The following FRMD4B variants were observed in gnomAD, a reference collection of about 807,000 sequenced individuals.
The protein encoded by FRMD4B is FERM domain containing 4B.
Under a neutral mutation model 141.5 loss-of-function variants are expected in FRMD4B, and 74 were observed. The ratio of observed to expected loss-of-function variants is 0.52; its 90% CI spans 0.43 to 0.63. FRMD4B has a LOEUF of 0.63. FRMD4B is among the 30% of genes least tolerant of loss of function. FRMD4B has a pLI of 0.00. For missense variants in FRMD4B, 1,366 were observed against 1,253.4 expected, an observed-to-expected ratio of 1.09 and a Z score of -1.36; for synonymous variants, 506 against 467.9, an observed-to-expected ratio of 1.08 and a Z score of -1.05.
At chr3:69,368,610 C>T in intron 1 of FRMD4B, among the ~76,000 whole-genome samples, 1 of 152,212 alleles carries the variant, frequency 6.6e-6, no homozygotes, top group East Asian at 1.9e-4. Context: ...ACACTTGATA[C>T]TCAGTCCTCC....
chr3:69,507,887 T>A (rs1336797619), intron 1 of FRMD4B, among the ~76,000 whole-genome samples: 1 of 152,166 alleles, frequency 6.6e-6, no homozygotes, highest in African/African-American at 2.4e-5. Context: ...TTAAGGTTTT[T>A]AAAAAATCCT....
chr3:69,535,899 C>T (rs776452157), intron 1 of FRMD4B: 27 of 421,274 alleles, frequency 6.4e-5, no homozygotes, highest in Non-Finnish European at 1.1e-4. Context: ...CTTGACCTTG[C>T]TGACAGTGGG....
At chr3:69,377,431 C>G (rs1704001016) in intron 1 of FRMD4B, among the ~76,000 whole-genome samples, 1 of 152,202 alleles carries the variant, frequency 6.6e-6, no homozygotes, top group Non-Finnish European at 1.5e-5. Flanking sequence ...CAATCTCACT[C>G]TTCACTTTCT....
intron 7 of FRMD4B, among the ~76,000 whole-genome samples, chr3:69,244,799 C>T (rs960513410): frequency 1.3e-5 from 2 of 152,066 alleles, no homozygotes; most frequent in East Asian, 1.9e-4. Flanking sequence ...GAGGCTGAGG[C>T]AGGAGAACTG....
Position 69,171,907 on chromosome 3 carries a change from T to G in FRMD4B, c.3059A>C (p.Gln1020Pro). The change falls in exon 23 of 23, where the codon CAG (glutamine) becomes CCG (proline). Residue 1020 changes from glutamine to proline, a missense_variant. Transcript: ENST00000398540. ...TGAATCTTCATGCCAAAAGAGTCTC[T>G]GCTCACTACTCTCCAGGTTGTCTTC... The part of the protein sequence containing the change: ...QLEDNLESSE[Q>P]RLFWHEDSKP... The G allele has an allele frequency of 6.2e-7, 1 of 1,613,370 alleles. No homozygotes were observed. The highest frequency in any genetic ancestry group is 8.5e-7 in the Non-Finnish European group (1 of 1,179,290).
chr3:69,192,774 T>C (rs767077272), intron 17 of FRMD4B, among the ~76,000 whole-genome samples: 1 of 152,182 alleles, frequency 6.6e-6, no homozygotes, highest in African/African-American at 2.4e-5. Flanking sequence ...CTGCATTTCA[T>C]GTTATATCAT....
chr3:69,237,498 G>T (rs1409170453), intron 7 of FRMD4B, among the ~76,000 whole-genome samples: 1 of 152,214 alleles, frequency 6.6e-6, no homozygotes, highest in East Asian at 1.9e-4. Flanking sequence ...GAAGTTGTTG[G>T]CCCATCCTTC....
At chr3:69,266,907 A>G (rs1050376884) in intron 5 of FRMD4B, among the ~76,000 whole-genome samples, 1 of 152,180 alleles carries the variant, frequency 6.6e-6, no homozygotes, top group African/African-American at 2.4e-5. Flanking sequence ...TACCACCTCA[A>G]CTCAAACAAG....
intron 4 of FRMD4B, among the ~76,000 whole-genome samples, chr3:69,300,169 A>C (rs1199475573): frequency 6.6e-6 from 1 of 152,170 alleles, no homozygotes; most frequent in Admixed American, 6.5e-5. Flanking sequence ...AACCAGCTAC[A>C]TTCCACAGTG....
chr3:69,389,338 T>A (rs1212640893), upstream of FRMD4B, among the ~76,000 whole-genome samples: 1 of 152,154 alleles, frequency 6.6e-6, no homozygotes, highest in Non-Finnish European at 1.5e-5. Context: ...GCCTTCTTAG[T>A]CCACTCTCTA....
chr3:69,176,772 T>C (rs569291458), intron 21 of FRMD4B, 116 bp from the exon 22 acceptor site: 1 of 667,942 alleles, frequency 1.5e-6, no homozygotes, highest in Non-Finnish European at 2.5e-6. Flanking sequence ...TTTAAGAGGG[T>C]TTGAAATAAC....
chr3:69,377,273 C>A (rs1186010914), intron 1 of FRMD4B, among the ~76,000 whole-genome samples: 1 of 152,094 alleles, frequency 6.6e-6, no homozygotes, highest in African/African-American at 2.4e-5. Flanking sequence ...ATTTTCTCTC[C>A]TTTCTGTATG....
At chr3:69,227,697 A>G (rs2093268188) in intron 7 of FRMD4B, among the ~76,000 whole-genome samples, 1 of 152,050 alleles carries the variant, frequency 6.6e-6, no homozygotes, top group African/African-American at 2.4e-5. Context: ...GAAAGAAAGA[A>G]AGAAAAAAGT....
intron 21 of FRMD4B, among the ~76,000 whole-genome samples, chr3:69,179,079 G>A (rs2092678938): frequency 6.6e-6 from 1 of 152,028 alleles, no homozygotes; most frequent in African/African-American, 2.4e-5. Flanking sequence ...TTAAAGTGGA[G>A]ACAGAAATGA....
intron 2 of FRMD4B, among the ~76,000 whole-genome samples, chr3:69,427,379 G>A (rs1294952953): frequency 2.7e-5 from 4 of 149,446 alleles, no homozygotes; most frequent in Non-Finnish European, 5.9e-5. Context: ...TCCTGCAGAA[G>A]AGAAACTATT....
At chr3:69,519,645 GT>G (rs919136562) in intron 1 of FRMD4B, among the ~76,000 whole-genome samples, 1 of 151,948 alleles carries the variant, frequency 6.6e-6, no homozygotes, top group Non-Finnish European at 1.5e-5. Flanking sequence ...ATTTTTATTT[GT>G]TTTTATTTCC....
rs1287244541 is a variant in FRMD4B at position 69,224,044 on chromosome 3, A to G, written c.665+563T>C. Among the ~76,000 whole-genome samples, 4 of 152,176 alleles carry G rather than the reference A, an allele frequency of 2.6e-5. No individual in the cohort carries two copies. In the East Asian group the frequency reaches 7.7e-4, roughly 29 times the overall value. ...GAAAGAAAAACCATCTTGAGGATTC[A>G]GACTGAAACCAAGGAGAATATATTT... On this transcript the variant is annotated intron_variant, in intron 8 of 22. Coordinates refer to ENST00000398540, the MANE Select transcript of FRMD4B (RefSeq NM_015123.3).
chr3:69,434,016 T>G (rs1447459985), intron 1 of FRMD4B, among the ~76,000 whole-genome samples: 1 of 152,168 alleles, frequency 6.6e-6, no homozygotes, highest in Admixed American at 6.5e-5. Context: ...CTGGAATGAC[T>G]CAGTACATTT....
chr3:69,171,042 G>A lies in FRMD4B; in HGVS notation c.*819C>T, dbSNP rs1193057578. The A allele has an allele frequency of 2.0e-5, 3 of 151,994 alleles. No individual in the cohort carries two copies. Among genetic ancestry groups the A allele is most frequent in the Non-Finnish European group, 4.4e-5 (3 of 68,014 alleles). The allele number at this position is 151,994 out of a possible 1,614,324, so 9.4% of individuals were successfully genotyped here. ...AAGTCTGCCACTTCAAATGACAGCC[G>A]AGTTGGAGAATTAACAGCCAGAACA... is the stretch of plus-strand genomic sequence containing the variant. On this transcript the variant is annotated 3_prime_UTR_variant, in exon 23 of 23. Coordinates refer to ENST00000398540, the MANE Select transcript of FRMD4B (RefSeq NM_015123.3).
Sources: allele counts gnomAD v4.1 joint callset (sites outside exome capture counted in the v4.1 genomes callset), GRCh38; gene constraint gnomAD v4.1.1; transcripts MANE v1.5; gene names NCBI Gene and HGNC (gene_info 2026-07-23, HGNC 2026-07-21).